The following JAK1 variants were observed in gnomAD, a reference collection of about 807,000 sequenced individuals.
JAK1 encodes the protein tyrosine-protein kinase JAK1.
JAK1 carries 16 observed loss-of-function variants against 136.6 expected under a neutral mutation model. The ratio of observed to expected loss-of-function variants is 0.12; its 90% CI spans 0.08 to 0.18. The LOEUF is 0.18. JAK1 is among the 10% of genes least tolerant of loss of function. JAK1 has a pLI of 1.00. For missense variants in JAK1, 859 were observed against 1,450.1 expected, an observed-to-expected ratio of 0.59 and a Z score of 6.62; for synonymous variants, 492 against 519.5, an observed-to-expected ratio of 0.95 and a Z score of 0.72.
At position 65,033,725 on chromosome 1, in the gene JAK1, C is replaced by CAAAAAA. The variant is rs10700479; in HGVS notation, c.-78+10749_-78+10754dup. Among the ~76,000 whole-genome samples, 197 of 89,210 alleles carry CAAAAAA rather than the reference C, an allele frequency of 2.2e-3. 2 individuals are homozygous for CAAAAAA. The highest frequency in any genetic ancestry group is 7.0e-3 in the Middle Eastern group (1 of 142). The allele number at this position is 89,210 out of a possible 152,430, so 58.5% of individuals were successfully genotyped here. A position where few individuals can be genotyped will look rare whatever the true frequency, so the allele number is the denominator to read the frequency against. On this transcript the variant is annotated intron_variant, in intron 2 of 25. Transcript: ENST00000671954. ...TAACATTGTGAGACTCCCGTAGTAC[C>CAAAAAA]AAAAAAAAAAAAAAAAAAGGAAACA...
At chr1:64,958,213 T>G (rs907631778) in intron 1 of JAK1, among the ~76,000 whole-genome samples, 1 of 152,228 alleles carries the variant, frequency 6.6e-6, no homozygotes, top group African/African-American at 2.4e-5. Flanking sequence ...GGTGGCCTGC[T>G]TCCTAAATCA....
intron 2 of JAK1, among the ~76,000 whole-genome samples, chr1:64,999,977 G>A (rs950646036): frequency 1.7e-4 from 26 of 150,278 alleles, no homozygotes; most frequent in African/African-American, 6.2e-4. Flanking sequence ...CTGGGGGTTG[G>A]GGGAGAGAAT....
At chr1:64,869,167 G>A in intron 6 of JAK1, 144 bp downstream of exon 6, 1 of 693,212 alleles carries the variant, frequency 1.4e-6, no homozygotes, top group Non-Finnish European at 2.5e-6. Context: ...CTACGTGTAT[G>A]TAGTAAACAT....
chr1:65,027,498 G>T (rs974493685), intron 2 of JAK1, among the ~76,000 whole-genome samples: 2 of 152,094 alleles, frequency 1.3e-5, no homozygotes, highest in Admixed American at 6.5e-5. Context: ...GTCAATTTGG[G>T]TCCTCTAGGA....
At chr1:65,059,969 C>A (rs994006860) in intron 1 of JAK1, among the ~76,000 whole-genome samples, 1 of 152,034 alleles carries the variant, frequency 6.6e-6, no homozygotes, top group African/African-American at 2.4e-5. Context: ...ATGAAAATGA[C>A]CTTATCTTCA....
At chr1:64,997,361 G>A (rs1191686731) in intron 2 of JAK1, among the ~76,000 whole-genome samples, 2 of 152,178 alleles carry the variant, frequency 1.3e-5, no homozygotes, top group Non-Finnish European at 2.9e-5. Context: ...TAACTCACAT[G>A]ACAAATATTA....
chr1:64,943,225 G>T (rs899821749), intron 1 of JAK1, among the ~76,000 whole-genome samples: 2 of 152,042 alleles, frequency 1.3e-5, no homozygotes, highest in African/African-American at 4.8e-5. Flanking sequence ...CCATATAATG[G>T]TTCAGAATTG....
At chr1:64,836,427 G>A (rs917978918) in intron 22 of JAK1, among the ~76,000 whole-genome samples, 1 of 151,984 alleles carries the variant, frequency 6.6e-6, no homozygotes, top group Non-Finnish European at 1.5e-5. Context: ...TCGGTAGCAC[G>A]TATCTGCCCT....
intron 2 of JAK1, chr1:64,973,154 A>T (rs1646466484): frequency 6.7e-6 from 1 of 150,342 alleles, no homozygotes; most frequent in Non-Finnish European, 1.5e-5. Context: ...AAAGAAAGAA[A>T]GGAAGAAAGG....
At chr1:65,033,808 A>G (rs1024401211) in intron 2 of JAK1, among the ~76,000 whole-genome samples, 2 of 151,994 alleles carry the variant, frequency 1.3e-5, no homozygotes, top group Non-Finnish European at 2.9e-5. Context: ...AGAGCTTTAG[A>G]ATCCATCACT....
chr1:64,888,179 GTTGTT>G (rs954958001), intron 1 of JAK1, among the ~76,000 whole-genome samples: 8 of 152,080 alleles, frequency 5.3e-5, no homozygotes, highest in African/African-American at 1.2e-4. Flanking sequence ...TTTTTCTGTT[GTTGTT>G]TTGTTTTGTT....
chr1:65,036,649 G>T (rs533789468), intron 2 of JAK1, among the ~76,000 whole-genome samples: 1 of 151,420 alleles, frequency 6.6e-6, no homozygotes, highest in Admixed American at 6.7e-5. Context: ...AACCAAGTGA[G>T]TTCTAATTAT....
chr1:64,860,702 C>T (rs1298141628), intron 8 of JAK1, among the ~76,000 whole-genome samples: 2 of 152,208 alleles, frequency 1.3e-5, no homozygotes, highest in East Asian at 3.9e-4. Flanking sequence ...GATCTCCCAC[C>T]TTGGCCTCCC....
chr1:65,006,462 A>G (rs1291268560), intron 2 of JAK1, among the ~76,000 whole-genome samples: 1 of 152,176 alleles, frequency 6.6e-6, no homozygotes, highest in African/African-American at 2.4e-5. Context: ...GGTTCAAGGG[A>G]TCGTCCTGCC....
intron 1 of JAK1, among the ~76,000 whole-genome samples, chr1:64,904,814 A>G (rs1645166070): frequency 6.6e-6 from 1 of 152,166 alleles, no homozygotes; most frequent in South Asian, 2.1e-4. Context: ...TTTCAATATA[A>G]TAAGATTAGA....
intron 1 of JAK1, among the ~76,000 whole-genome samples, chr1:64,903,722 C>A (rs1645147808): frequency 6.6e-6 from 1 of 152,132 alleles, no homozygotes; most frequent in African/African-American, 2.4e-5. Context: ...AAAGTCTTTG[C>A]CAGGGATAAA....
At chr1:65,041,119 G>C (rs1647128385) in intron 2 of JAK1, among the ~76,000 whole-genome samples, 2 of 152,182 alleles carry the variant, frequency 1.3e-5, no homozygotes, top group African/African-American at 4.8e-5. Flanking sequence ...ACTGCTCAGA[G>C]ACCACAAAGT....
chr1:64,834,546 A>ATGT lies in JAK1; in HGVS notation c.*13_*15dup, dbSNP rs746411955. Reference sequence around the variant, plus strand: ...GGACTTGATAATCTGTGGAATTTAAATGTTATTCATGCTTCTTATTTTAAA... The same window carrying ATGT: ...GGACTTGATAATCTGTGGAATTTAAATGTTGTTATTCATGCTTCTTATTTTAAA... On this transcript the variant is annotated 3_prime_UTR_variant, in exon 25 of 25. Coordinates refer to ENST00000342505, the MANE Select transcript of JAK1 (RefSeq NM_002227.4). 1 of 1,505,444 alleles carries ATGT rather than the reference A, an allele frequency of 6.6e-7. No homozygotes were observed. Among genetic ancestry groups the ATGT allele is most frequent in the Non-Finnish European group, 9.2e-7 (1 of 1,083,948 alleles). The allele number at this position is 1,505,444 out of a possible 1,614,324, so 93.3% of individuals were successfully genotyped here.
At chr1:64,902,762 G>A (rs964000519) in intron 1 of JAK1, among the ~76,000 whole-genome samples, 10 of 152,024 alleles carry the variant, frequency 6.6e-5, no homozygotes, top group African/African-American at 2.2e-4. Context: ...AATACGCAGT[G>A]GTGGAAGAGA....
Sources: allele counts gnomAD v4.1 joint callset (sites outside exome capture counted in the v4.1 genomes callset), GRCh38; gene constraint gnomAD v4.1.1; transcripts MANE v1.5; gene names NCBI Gene and HGNC (gene_info 2026-07-23, HGNC 2026-07-21).